JMJD1C: variants seen among roughly 807,000 people sequenced by gnomAD.
JMJD1C encodes jumonji domain-containing protein 1C.
Under a neutral mutation model 245.3 loss-of-function variants are expected in JMJD1C, and 31 were observed. That is an observed-to-expected ratio of 0.13 (90% CI 0.09 to 0.17). The LOEUF (loss-of-function observed/expected upper bound fraction) is 0.17, where lower values mean the gene tolerates loss of function less well. JMJD1C is among the 10% of genes least tolerant of loss of function. The pLI is 1.00. For synonymous variants in JMJD1C, 1,057 were observed against 1,017.4 expected (o/e 1.04, Z -0.74); for missense variants, 2,691 against 3,000.2 (o/e 0.90, Z 2.41).
At chr10:63,400,871 CCT>C (rs927407886) in intron 1 of JMJD1C, among the ~76,000 whole-genome samples, 1 of 151,844 alleles carries the variant, frequency 6.6e-6, no homozygotes, top group African/African-American at 2.4e-5. Flanking sequence ...CACATCCAGC[CCT>C]TTTTGTTGTT....
chr10:63,366,579 C>A (rs1330454371), intron 2 of JMJD1C, among the ~76,000 whole-genome samples: 2 of 152,146 alleles, frequency 1.3e-5, no homozygotes, highest in Non-Finnish European at 2.9e-5. Context: ...AGCTGACTCA[C>A]TGAATGAAGA....
chr10:63,215,096 C>T lies in JMJD1C; in HGVS notation c.1071G>A (p.Glu357=), dbSNP rs1847826247. 4 of 1,588,102 alleles carry T rather than the reference C, an allele frequency of 2.5e-6. No individual in the cohort carries two copies. In the Admixed American group the frequency reaches 7.5e-5, roughly 30 times the overall value. ...TTTTCATATTTAGTTTCTTTTCATC[C>T]TCCTCAGGTTTCCTTCTTTTATTCA... ...HLMNKRRKPE[E]DEKKLNMKRL... The change falls in exon 8 of 26, where the codon GAG becomes GAA. Residue 357 remains glutamate, a synonymous_variant. Coordinates refer to ENST00000399262, the MANE Select transcript of JMJD1C (RefSeq NM_032776.3).
Position 63,215,419 on chromosome 10 carries a change from G to A in JMJD1C, c.859C>T (p.Pro287Ser), listed in dbSNP as rs1847864989. 5 of 1,614,064 alleles carry A rather than the reference G, an allele frequency of 3.1e-6. No homozygotes were observed. Among genetic ancestry groups the A allele is most frequent in the Non-Finnish European group, 4.2e-6 (5 of 1,180,020 alleles). The stretch of plus-strand genomic sequence containing the variant: ...ACAGCAGCTTGGGAGTTCATTGCTG[G>A]TCTGGGACTATTTGCTTGGGCACGT... ...YTRAQANSPR[P>S]AMNSQAAVPK... The change falls in exon 7 of 26, where the codon CCA (proline) becomes TCA (serine). Residue 287 changes from proline to serine, a missense_variant. By Grantham distance (74) the Pro-to-Ser change is moderately conservative. Around this residue, in one of 9 missense-constraint regions of JMJD1C, gnomAD observed 1,562 missense variants for 1,490.7 expected, o/e 1.05. Coordinates refer to ENST00000399262, the MANE Select transcript of JMJD1C (RefSeq NM_032776.3).
intron 2 of JMJD1C, among the ~76,000 whole-genome samples, chr10:63,362,011 A>G (rs1187456758): frequency 3.3e-5 from 5 of 152,066 alleles, no homozygotes; most frequent in Non-Finnish European, 7.4e-5. Flanking sequence ...AGGCGGGTGG[A>G]TCACCTGAGG....
chr10:63,428,794 TA>T (rs1374117170), intron 1 of JMJD1C, among the ~76,000 whole-genome samples: 1 of 152,172 alleles, frequency 6.6e-6, no homozygotes, highest in Non-Finnish European at 1.5e-5. Flanking sequence ...GACTTTTATC[TA>T]AGTATTTCTG....
chr10:63,200,974 T>G (rs185784246), intron 10 of JMJD1C, among the ~76,000 whole-genome samples: 2 of 152,208 alleles, frequency 1.3e-5, no homozygotes, highest in Non-Finnish European at 2.9e-5. Context: ...GTATGTATAA[T>G]AGCAAACATA....
rs1847772606 is a variant in JMJD1C at position 63,214,665 on chromosome 10, G to C, written c.1502C>G (p.Ser501Cys). 1 of 1,614,002 alleles carries C rather than the reference G, an allele frequency of 6.2e-7. No homozygotes were observed. ...AACACATTTTGGTGTGGGTGGTCTG[G>C]ATACAAACTTCTCCTTTGGTAGCAA... ...MELLPKEKFV[S>C]RPPTPKCVID... Residue 501 changes from serine (S) to cysteine (C), a missense_variant, in exon 8 of 26, where the codon TCC becomes TGC. This residue lies in a region of JMJD1C where 1,562 missense variants were observed against 1,490.7 expected (regional missense o/e 1.05). Transcript: ENST00000399262.
At position 63,208,097 on chromosome 10, in the gene JMJD1C, A is replaced by G. The variant is rs1271527382; in HGVS notation, c.3572T>C (p.Val1191Ala). The G allele has an allele frequency of 6.2e-7, 1 of 1,614,160 alleles. No individual in the cohort carries two copies. The highest frequency in any genetic ancestry group is 8.5e-7 in the Non-Finnish European group (1 of 1,179,994). Residue 1191 changes from valine (V) to alanine (A), a missense_variant, in exon 10 of 26, where the codon GTT becomes GCT. Val to Ala is a moderately conservative substitution (Grantham distance 64). Around this residue, in one of 9 missense-constraint regions of JMJD1C, gnomAD observed 1,562 missense variants for 1,490.7 expected, o/e 1.05. Transcript: ENST00000399262. ...NDCRSPTHLTVSSTNTLRSMP... is the reference protein window; with the variant it reads ...NDCRSPTHLTASSTNTLRSMP... ...ACTGCGGAGTGTATTTGTAGAAGAA[A>G]CTGTCAAATGGGTAGGACTCCTACA...
chr10:63,207,884 G>T lies in JMJD1C; in HGVS notation c.3785C>A (p.Ala1262Glu). 1 of 1,614,088 alleles carries T rather than the reference G, an allele frequency of 6.2e-7. No homozygotes were observed. Among genetic ancestry groups the T allele is most frequent in the Non-Finnish European group, 8.5e-7 (1 of 1,180,004 alleles). ...CTGTTCTGAAGAACTCTTAAAATTT[G>T]CCTGGGAGTCTTTTGGTTCGGGTAT... is the stretch of plus-strand genomic sequence containing the variant. ...TLIPEPKDSQ[A>E]NFKSSSEQSL... The change falls in exon 10 of 26, where the codon GCA (alanine) becomes GAA (glutamate). Residue 1262 changes from alanine (A) to glutamate (E), a missense_variant. Coordinates refer to ENST00000399262, the MANE Select transcript of JMJD1C (RefSeq NM_032776.3).
At chr10:63,247,379 AAATTG>A (rs910028027) in intron 3 of JMJD1C, among the ~76,000 whole-genome samples, 1 of 152,134 alleles carries the variant, frequency 6.6e-6, no homozygotes, top group Non-Finnish European at 1.5e-5. Context: ...CAACCTACCA[AAATTG>A]AACCAGGAAA....
chr10:63,311,891 A>G (rs891847013), intron 2 of JMJD1C, among the ~76,000 whole-genome samples: 1 of 152,156 alleles, frequency 6.6e-6, no homozygotes, highest in Non-Finnish European at 1.5e-5. Context: ...CACGGTACAT[A>G]GTTAGGAATG....
intron 2 of JMJD1C, chr10:63,269,153 C>T (rs1855987205): frequency 3.9e-5 from 38 of 985,428 alleles, no homozygotes; most frequent in Non-Finnish European, 4.6e-5. Context: ...AAGCCTTTCC[C>T]ACTGTACTCT....
chr10:63,217,568 G>T (rs1025698792), intron 4 of JMJD1C: 1 of 283,030 alleles, frequency 3.5e-6, no homozygotes, highest in Non-Finnish European at 6.6e-6. Flanking sequence ...TAAGAGAGAA[G>T]GAAGGTTTCT....
At chr10:63,285,964 C>A (rs1417592478) in intron 2 of JMJD1C, among the ~76,000 whole-genome samples, 1 of 152,168 alleles carries the variant, frequency 6.6e-6, no homozygotes, top group African/African-American at 2.4e-5. Flanking sequence ...AATGAAATAA[C>A]AAAATGACAT....
intron 2 of JMJD1C, among the ~76,000 whole-genome samples, chr10:63,310,287 T>C (rs117637094): frequency 0.011 from 1,747 of 152,350 alleles, 13 homozygotes; most frequent in Middle Eastern, 0.041. Flanking sequence ...CCTTCTTTTA[T>C]GTATTAAGCT....
At chr10:63,327,048 G>A (rs1394322749) in intron 2 of JMJD1C, among the ~76,000 whole-genome samples, 1 of 152,018 alleles carries the variant, frequency 6.6e-6, no homozygotes, top group Admixed American at 6.6e-5. Flanking sequence ...TTAGCCCGGT[G>A]TGGTGGCATC....
intron 1 of JMJD1C, among the ~76,000 whole-genome samples, chr10:63,416,002 G>A (rs964509017): frequency 7.9e-5 from 12 of 152,120 alleles, no homozygotes; most frequent in Non-Finnish European, 1.6e-4. Flanking sequence ...ATTCTCTAAA[G>A]AAATACTGTC....
rs1333266156 is a variant in JMJD1C, at chr10:63,197,421, C to A, written c.5634G>T (p.Lys1878Asn). ...AACTTATACACCAACCTCTAGAACT[C>A]TTCCTTTCCTTTGCCTTGTAACAAT... ...CLDCYKAKER[K>N]SSRDKELYAW... Residue 1878 changes from lysine to asparagine, a missense_variant, in exon 13 of 26, where the codon AAG becomes AAT. By Grantham distance (94) the Lys-to-Asn change is moderately conservative. Transcript: ENST00000399262. The A allele has an allele frequency of 1.2e-6, 2 of 1,613,046 alleles. No individual in the cohort carries two copies. Among genetic ancestry groups the A allele is most frequent in the Admixed American group, 3.3e-5 (2 of 59,782 alleles).
intron 2 of JMJD1C, among the ~76,000 whole-genome samples, chr10:63,297,153 CG>C (rs1859533018): frequency 1.3e-5 from 2 of 152,202 alleles, no homozygotes; most frequent in South Asian, 4.1e-4. Context: ...AAACCAGGCG[CG>C]GTGGCTCACG....
Sources: allele counts gnomAD v4.1 joint callset (sites outside exome capture counted in the v4.1 genomes callset), GRCh38; gene constraint gnomAD v4.1.1; regional missense constraint gnomAD v4.1.1; transcripts MANE v1.5; gene names NCBI Gene and HGNC (gene_info 2026-07-23, HGNC 2026-07-21).